The following DRP2 variants were observed in gnomAD, a reference collection of about 807,000 sequenced individuals.
DRP2 encodes dystrophin related protein 2, also known as dystrophin-related protein 2.
In DRP2, 29 loss-of-function variants were observed where a neutral mutation model predicts 78.2. The ratio of observed to expected loss-of-function variants is 0.37; its 90% CI spans 0.28 to 0.51. DRP2 has a LOEUF of 0.51. DRP2 is among the 20% of genes least tolerant of loss of function. The pLI is 0.94. For synonymous variants in DRP2, 290 were observed against 281.9 expected, an observed-to-expected ratio of 1.03 and a Z score of -0.29; for missense variants, 686 against 770.6, an observed-to-expected ratio of 0.89 and a Z score of 1.30.
chrX:101,220,362 T>G (rs1172031247), intron 1 of DRP2, among the ~76,000 whole-genome samples: 1 of 106,241 alleles, frequency 9.4e-6, no homozygotes, highest in Non-Finnish European at 1.9e-5. Context: ...AGTGGAAAAC[T>G]TGCATTTAAA....
At chrX:101,224,581 A>T (rs940835601) in intron 1 of DRP2, 23 bp from the exon 2 acceptor site, 1 of 112,287 alleles carries the variant, frequency 8.9e-6, no homozygotes, top group Non-Finnish European at 1.9e-5. Flanking sequence ...GTGCATATAG[A>T]TCTACCTCTT....
chrX:101,236,057 A>G, intron 4 of DRP2, 34 bp downstream of exon 4: 1 of 1,203,152 alleles, frequency 8.3e-7, no homozygotes, highest in Middle Eastern at 2.3e-4. Flanking sequence ...ATTGGCTTAG[A>G]TGGTGTTGGG....
chrX:101,250,593 C>G lies in DRP2; in HGVS notation c.1698+13C>G. On this transcript the variant is annotated intron_variant, in intron 15 of 23. Transcript: ENST00000395209. ...TTGCTTCCGTTTTGTGAGTATGGAA[C>G]TGGGGAGTGGGGGAGGGAAGGGAGG... 1.7e-6 allele frequency: 2 copies of G among 1,176,894 alleles called. No individual in the cohort carries two copies. Among genetic ancestry groups the G allele is most frequent in the Non-Finnish European group, 2.3e-6 (2 of 876,140 alleles).
At chrX:101,242,179 C>G in intron 7 of DRP2, 146 bp from the exon 8 acceptor site, 3 of 894,016 alleles carry the variant, frequency 3.4e-6, no homozygotes, top group Admixed American at 5.9e-5. Context: ...GCCGCCCACA[C>G]CTTAGTCTGG....
chrX:101,227,074 A>G (rs1310407869), intron 2 of DRP2, among the ~76,000 whole-genome samples: 1 of 110,714 alleles, frequency 9.0e-6, no homozygotes. Flanking sequence ...TCCTCTTTTT[A>G]TAAAGCCATG....
chrX:101,261,899 T>C lies in DRP2; in HGVS notation c.*1278T>C, dbSNP rs745412878. On this transcript the variant is annotated 3_prime_UTR_variant, in exon 24 of 24. Coordinates refer to ENST00000395209, the MANE Select transcript of DRP2 (RefSeq NM_001939.3). The stretch of plus-strand genomic sequence containing the variant: ...GGGTGGGGGAGTGGGCTTGGGAATG[T>C]TGAATAGATTCAGAGCCCACTTAGG... 4 of 112,108 alleles carry C rather than the reference T, an allele frequency of 3.6e-5. No individual in the cohort carries two copies. In the South Asian group the frequency reaches 1.5e-3, roughly 43 times the overall value. The allele number at this position is 112,108 out of a possible 1,213,427, so 9.2% of individuals were successfully genotyped here.
chrX:101,249,057 T>C (rs188935158), intron 14 of DRP2, among the ~76,000 whole-genome samples: 4 of 112,284 alleles, frequency 3.6e-5, no homozygotes, highest in South Asian at 3.7e-4. Flanking sequence ...TTTTCACATC[T>C]TTGGCTTATA....
intron 3 of DRP2, among the ~76,000 whole-genome samples, chrX:101,232,337 G>A (rs1026467807): frequency 9.9e-5 from 11 of 111,529 alleles, no homozygotes; most frequent in Non-Finnish European, 1.3e-4. Context: ...GTGTGAGACA[G>A]TAGAGAGGGC....
intron 2 of DRP2, among the ~76,000 whole-genome samples, chrX:101,229,734 T>A (rs778991103): frequency 9.0e-6 from 1 of 111,610 alleles, no homozygotes; most frequent in Non-Finnish European, 1.9e-5. Context: ...AATCAGGGTT[T>A]GTGTGTCTTT....
intron 21 of DRP2, among the ~76,000 whole-genome samples, chrX:101,257,791 T>G (rs1489766676): frequency 1.8e-5 from 2 of 111,699 alleles, no homozygotes; most frequent in Non-Finnish European, 3.8e-5. Flanking sequence ...AAAAGTGATA[T>G]CCCCAAAAGT....
chrX:101,239,842 G>T (rs1922654995), intron 6 of DRP2, among the ~76,000 whole-genome samples: 1 of 111,951 alleles, frequency 8.9e-6, no homozygotes, highest in Non-Finnish European at 1.9e-5. Context: ...CTCCCAAAGT[G>T]CTGGGATTAC....
At chrX:101,238,958 G>A (rs781471404) in intron 5 of DRP2, 23 bp from the exon 6 acceptor site, 1 of 1,201,482 alleles carries the variant, frequency 8.3e-7, no homozygotes, top group Non-Finnish European at 1.1e-6. Context: ...CTTTCCTGTT[G>A]ACCATATTGC....
At chrX:101,239,170 C>T (rs1922624272) in intron 6 of DRP2, 69 bp downstream of exon 6, 1 of 1,098,881 alleles carries the variant, frequency 9.1e-7, no homozygotes, top group Non-Finnish European at 1.2e-6. Context: ...CAAACACCCT[C>T]CTGCCTTCCC....
At chrX:101,248,407 T>C in intron 13 of DRP2, 107 bp from the exon 14 acceptor site, 2 of 1,105,982 alleles carry the variant, frequency 1.8e-6, no homozygotes, top group Non-Finnish European at 2.5e-6. Flanking sequence ...GCTTGGGGCA[T>C]GGTTGGAACA....
chrX:101,255,001 G>A, intron 19 of DRP2, 77 bp downstream of exon 19: 1 of 1,160,283 alleles, frequency 8.6e-7, no homozygotes, highest in South Asian at 1.8e-5. Context: ...GTCGGGGCAA[G>A]GAGAATGGAG....
chrX:101,253,274 A>G (rs1923202274), intron 17 of DRP2, among the ~76,000 whole-genome samples: 1 of 110,930 alleles, frequency 9.0e-6, no homozygotes, highest in African/African-American at 3.3e-5. Context: ...CCTGGTAACC[A>G]TGTCCTCCAT....
At chrX:101,257,144 TC>T (rs1162618036) in intron 21 of DRP2, among the ~76,000 whole-genome samples, 1 of 110,180 alleles carries the variant, frequency 9.1e-6, no homozygotes, top group Admixed American at 9.8e-5. Context: ...GGTCCAAGCC[TC>T]TTATGGGGCA....
At chrX:101,256,071 C>G (rs1282174158) in intron 20 of DRP2, 47 bp from the exon 21 acceptor site, 1 of 1,120,252 alleles carries the variant, frequency 8.9e-7, no homozygotes, top group African/African-American at 1.8e-5. Flanking sequence ...AGTTGTTTCT[C>G]TGTTCAACAA....
chrX:101,238,266 C>T (rs1421665077), intron 5 of DRP2, among the ~76,000 whole-genome samples: 1 of 111,276 alleles, frequency 9.0e-6, no homozygotes, highest in African/African-American at 3.3e-5. Context: ...AGTTAAAATA[C>T]TTCTTAAAAT....
Sources: gnomAD v4.1 joint callset for allele counts (sites outside exome capture counted in the v4.1 genomes callset) on GRCh38, gnomAD v4.1.1 for gene constraint, MANE v1.5 for transcripts, NCBI Gene and HGNC (gene_info 2026-07-23, HGNC 2026-07-21) for gene names.